Variants in LDB2 observed in about 807,000 individuals in gnomAD.
LDB2 encodes the protein LIM domain binding 2, also known as LIM domain-binding protein 2.
LDB2 carries 12 observed loss-of-function variants against 44.3 expected under a neutral mutation model. That is an observed-to-expected ratio of 0.27 (90% CI 0.17 to 0.44). The LOEUF (loss-of-function observed/expected upper bound fraction) is 0.44, where lower values mean the gene tolerates loss of function less well. Ranked by LOEUF, LDB2 falls within the 20% of genes least tolerant of loss-of-function variation. The probability of loss-of-function intolerance (pLI) is 1.00; values close to 1 mark genes in which losing one functional copy is unlikely to be tolerated. For synonymous variants in LDB2, 164 were observed against 174.8 expected (o/e 0.94, Z 0.49); for missense variants, 344 against 473.5 (o/e 0.73, Z 2.54).
chr4:16,525,395 G>A (rs951799450), intron 5 of LDB2, among the ~76,000 whole-genome samples: 1 of 152,208 alleles, frequency 6.6e-6, no homozygotes, highest in Admixed American at 6.5e-5. Flanking sequence ...TCTCAATAAT[G>A]CAGCACTCAG....
At chr4:16,725,260 ACG>A (rs1180131501) in intron 2 of LDB2, among the ~76,000 whole-genome samples, 13 of 151,994 alleles carry the variant, frequency 8.6e-5, no homozygotes, top group African/African-American at 3.1e-4. Flanking sequence ...ACACACACAC[ACG>A]CACACACACG....
chr4:16,560,513 C>T (rs1028500598), intron 5 of LDB2, among the ~76,000 whole-genome samples: 1 of 152,146 alleles, frequency 6.6e-6, no homozygotes, highest in Admixed American at 6.5e-5. Context: ...CCAGACTAAA[C>T]CAGAAAGAAG....
chr4:16,822,443 C>T (rs1782279919), intron 1 of LDB2, among the ~76,000 whole-genome samples: 1 of 152,054 alleles, frequency 6.6e-6, no homozygotes, highest in Non-Finnish European at 1.5e-5. Flanking sequence ...TTAAATATTT[C>T]CTCTCAGGGG....
At chr4:16,742,788 C>A (rs1249772637) in intron 2 of LDB2, among the ~76,000 whole-genome samples, 1 of 152,146 alleles carries the variant, frequency 6.6e-6, no homozygotes, top group African/African-American at 2.4e-5. Context: ...CAAGTTCTAG[C>A]CAACCAAAAG....
chr4:16,576,231 A>G (rs1711533159), intron 5 of LDB2, among the ~76,000 whole-genome samples: 1 of 152,182 alleles, frequency 6.6e-6, no homozygotes, highest in Admixed American at 6.5e-5. Context: ...AGAAATAACA[A>G]AGATCAGAGC....
chr4:16,862,506 A>G (rs1580310707), intron 1 of LDB2, among the ~76,000 whole-genome samples: 2 of 151,810 alleles, frequency 1.3e-5, no homozygotes, highest in South Asian at 4.2e-4. Context: ...GATAGTGGAT[A>G]CCTGTAATCC....
At chr4:16,615,069 C>CAAA (rs71649971) in intron 2 of LDB2, among the ~76,000 whole-genome samples, 821 of 47,048 alleles carry the variant, frequency 0.017, 43 homozygotes, top group South Asian at 0.037. Context: ...GACTCCGTCT[C>CAAA]AAAAAAAAAA....
intron 2 of LDB2, among the ~76,000 whole-genome samples, chr4:16,640,156 T>C (rs1275186661): frequency 2.0e-5 from 3 of 152,238 alleles, no homozygotes; most frequent in Admixed American, 6.5e-5. Context: ...TACCCAATCA[T>C]CTGTTTAGTG....
At chr4:16,693,546 G>A (rs560617663) in intron 2 of LDB2, among the ~76,000 whole-genome samples, 3 of 152,020 alleles carry the variant, frequency 2.0e-5, no homozygotes, top group East Asian at 1.9e-4. Context: ...TAGTAGAGAC[G>A]GGTTTCACCA....
rs1226043239 is a variant in LDB2, at chr4:16,582,809, C to G, written c.615+3113G>C. Among the ~76,000 whole-genome samples, 1 of 152,046 alleles carries G rather than the reference C, an allele frequency of 6.6e-6. No individual in the cohort carries two copies. The highest frequency in any genetic ancestry group is 1.9e-4 in the East Asian group (1 of 5,168). The stretch of plus-strand genomic sequence containing the variant: ...GGCTCAGCGGCTTCCAGCCACAGCT[C>G]CACTGGGACCACCAAGTCAGCCATC... On this transcript the variant is annotated intron_variant, in intron 5 of 7. Transcript: ENST00000304523. The surrounding 1 kb of genome is among the most constrained non-coding windows in gnomAD (Gnocchi z 4.8).
chr4:16,592,605 T>C (rs1461964747), intron 3 of LDB2, among the ~76,000 whole-genome samples: 2 of 151,368 alleles, frequency 1.3e-5, no homozygotes, highest in African/African-American at 2.4e-5. Flanking sequence ...TAATGTAGTA[T>C]ACAGGCTAAG....
At chr4:16,536,334 C>G (rs881790) in intron 5 of LDB2, among the ~76,000 whole-genome samples, 22,588 of 152,110 alleles carry the variant, frequency 0.15, 1,833 homozygotes, top group East Asian at 0.25. Context: ...CCTGCTTTAT[C>G]GTAAATGTCT....
intron 2 of LDB2, among the ~76,000 whole-genome samples, chr4:16,694,182 G>A (rs1048855441): frequency 3.9e-5 from 6 of 152,204 alleles, no homozygotes; most frequent in Admixed American, 2.6e-4. Context: ...GATTTGGTCC[G>A]CACATTCGGG....
rs79229430 is a variant in LDB2 at position 16,747,956 on chromosome 4, C to T, written c.235+11202G>A. Among the ~76,000 whole-genome samples the T allele has an allele frequency of 7.1e-3, 1,085 of 152,194 alleles. 14 individuals carry two copies. Among genetic ancestry groups the T allele is most frequent in the Middle Eastern group, 0.01 (3 of 294 alleles). ...ATTTTTCAAAGTAAAAAAAGACAAA[C>T]AATCAAACTGCAAATAAGATTATTC... On this transcript the variant is annotated intron_variant, in intron 2 of 7. Coordinates refer to ENST00000304523, the MANE Select transcript of LDB2 (RefSeq NM_001290.5).
At chr4:16,817,239 C>G (rs1343462835) in intron 1 of LDB2, among the ~76,000 whole-genome samples, 1 of 152,180 alleles carries the variant, frequency 6.6e-6, no homozygotes, top group Non-Finnish European at 1.5e-5. Context: ...GTTTCATTTT[C>G]CCAGCTCGAC....
At position 16,582,000 on chromosome 4, in the gene LDB2, G is replaced by GGGAAGGAAGGAA. The variant is rs35585551; in HGVS notation, c.615+3910_615+3921dup. Among the ~76,000 whole-genome samples the GGGAAGGAAGGAA allele has an allele frequency of 5.4e-3, 558 of 103,856 alleles. 2 individuals are homozygous for GGGAAGGAAGGAA. The highest frequency in any genetic ancestry group is 0.02 in the Middle Eastern group (3 of 152). The allele number at this position is 103,856 out of a possible 152,430, so 68.1% of individuals were successfully genotyped here. ...GAAGGAAGGGAAGGAAGGGAAGGAA[G>GGGAAGGAAGGAA]GGAAGGAAGGAAGGAAGGAAGGAAG... On this transcript the variant is annotated intron_variant, in intron 5 of 7. Coordinates refer to ENST00000304523, the MANE Select transcript of LDB2 (RefSeq NM_001290.5).
At position 16,582,208 on chromosome 4, in the gene LDB2, C is replaced by A. The variant is rs115544129; in HGVS notation, c.615+3714G>T. Among the ~76,000 whole-genome samples, 423 of 152,268 alleles carry A rather than the reference C, an allele frequency of 2.8e-3. 1 individual carries two copies. The highest frequency in any genetic ancestry group is 9.5e-3 in the African/African-American group (394 of 41,540). ...TCTTTCTTACATTCTAGGCAGTGAT[C>A]ACCTTGAGGGCATAAACCTGGCACA... is the stretch of plus-strand genomic sequence containing the variant. On this transcript the variant is annotated intron_variant, in intron 5 of 7. Transcript: ENST00000304523. This position sits in a 1 kb window ranked among gnomAD's most constrained non-coding sequence, Gnocchi z 4.8.
intron 2 of LDB2, among the ~76,000 whole-genome samples, chr4:16,749,832 G>C (rs1185648498): frequency 6.6e-6 from 1 of 151,986 alleles, no homozygotes; most frequent in African/African-American, 2.4e-5. Flanking sequence ...TCTATTGAAA[G>C]CTTTGTATTT....
chr4:16,769,236 C>T (rs947867886), intron 1 of LDB2, among the ~76,000 whole-genome samples: 10 of 152,234 alleles, frequency 6.6e-5, no homozygotes, highest in African/African-American at 2.2e-4. Context: ...GAAAAGGATG[C>T]AGAGAGGGAA....
Sources: allele counts gnomAD v4.1 joint callset (sites outside exome capture counted in the v4.1 genomes callset), GRCh38; gene constraint gnomAD v4.1.1; non-coding constraint Gnocchi (gnomAD v3.1); transcripts MANE v1.5; gene names NCBI Gene and HGNC (gene_info 2026-07-23, HGNC 2026-07-21).